The following FREM1 variants were observed in gnomAD, a reference collection of about 807,000 sequenced individuals.
FREM1 encodes FRAS1 related extracellular matrix 1, also known as FRAS1-related extracellular matrix protein 1.
In FREM1, 220 loss-of-function variants were observed where a neutral mutation model predicts 210.1. That is an observed-to-expected ratio of 1.05 (90% CI 0.94 to 1.17). The LOEUF (loss-of-function observed/expected upper bound fraction) is 1.17, where lower values mean the gene tolerates loss of function less well. Ranked by LOEUF, FREM1 falls within the 50% of genes most tolerant of loss-of-function variation. The pLI is 0.00. For synonymous variants in FREM1, 1,189 were observed against 980.2 expected (o/e 1.21, Z -3.98); for missense variants, 3,454 against 2,675.5 (o/e 1.29, Z -6.42).
intron 23 of FREM1, among the ~76,000 whole-genome samples, chr9:14,785,849 A>C (rs1163765139): frequency 6.6e-6 from 1 of 152,190 alleles, no homozygotes; most frequent in Non-Finnish European, 1.5e-5. Context: ...GATGGACAAC[A>C]ACATGAATAT....
intron 1 of FREM1, among the ~76,000 whole-genome samples, chr9:14,904,859 C>A (rs1217437718): frequency 6.6e-6 from 1 of 152,150 alleles, no homozygotes; most frequent in African/African-American, 2.4e-5. Context: ...CATCCTTAAA[C>A]TCACCATATT....
intron 4 of FREM1, 150 bp from the exon 5 acceptor site, chr9:14,857,899 A>C: frequency 1.9e-6 from 1 of 523,428 alleles, no homozygotes; most frequent in East Asian, 3.1e-5. Flanking sequence ...GTGGGTTGTC[A>C]TTATTCTGAA....
At chr9:14,889,656 G>A (rs1396895402) in intron 1 of FREM1, among the ~76,000 whole-genome samples, 2 of 152,196 alleles carry the variant, frequency 1.3e-5, no homozygotes, top group Non-Finnish European at 2.9e-5. Flanking sequence ...TCTTCAGGAA[G>A]CTGCCAGACT....
At chr9:14,753,903 A>G (rs1843810103) in intron 29 of FREM1, among the ~76,000 whole-genome samples, 1 of 152,194 alleles carries the variant, frequency 6.6e-6, no homozygotes, top group Non-Finnish European at 1.5e-5. Context: ...TATTTCTTAA[A>G]TTGTCTAAAT....
intron 2 of FREM1, among the ~76,000 whole-genome samples, chr9:14,868,347 T>A (rs894039967): frequency 1.2e-4 from 18 of 144,484 alleles, no homozygotes; most frequent in Admixed American, 4.2e-4. Context: ...AAGCAGCTGG[T>A]GAGATATACC....
intron 11 of FREM1, 54 bp downstream of exon 11, chr9:14,824,742 C>T: frequency 8.0e-7 from 1 of 1,242,260 alleles, no homozygotes; most frequent in South Asian, 1.3e-5. Context: ...TATATTGACA[C>T]TTTCAACTTT....
intron 27 of FREM1, among the ~76,000 whole-genome samples, chr9:14,766,927 G>A (rs1396593999): frequency 3.3e-5 from 5 of 152,038 alleles, no homozygotes; most frequent in Admixed American, 6.6e-5. Context: ...AAATGTTTCC[G>A]GGATACTTCT....
chr9:14,791,021 T>G (rs1269898103), intron 22 of FREM1: 1 of 152,262 alleles, frequency 6.6e-6, no homozygotes, highest in Non-Finnish European at 1.5e-5. Flanking sequence ...GAATGAATTC[T>G]TGCTGCTTTT....
rs531303784 is a variant in FREM1, at chr9:14,836,464, T to C, written c.1881+4983A>G. On this transcript the variant is annotated intron_variant, in intron 10 of 36. Coordinates refer to ENST00000380880, the MANE Select transcript of FREM1 (RefSeq NM_001379081.2). This position sits in a 1 kb window ranked among gnomAD's most constrained non-coding sequence, Gnocchi z 4.9. ...ACACCTAGTAAAGGAAAGGAAAATC[T>C]ACAGGTACTTAAAAATCAAATCAAA... Among the ~76,000 whole-genome samples the C allele has an allele frequency of 6.6e-6, 1 of 152,326 alleles. No homozygotes were observed. Among genetic ancestry groups the C allele is most frequent in the African/African-American group, 2.4e-5 (1 of 41,584 alleles).
chr9:14,891,691 G>C (rs1836850364), intron 1 of FREM1, among the ~76,000 whole-genome samples: 2 of 152,248 alleles, frequency 1.3e-5, no homozygotes. Context: ...GAAGGGGAAA[G>C]AGTTAAATTT....
At chr9:14,830,237 A>T (rs1048340275) in intron 10 of FREM1, among the ~76,000 whole-genome samples, 1 of 152,204 alleles carries the variant, frequency 6.6e-6, no homozygotes, top group African/African-American at 2.4e-5. Context: ...GTGGAGTATT[A>T]TATTGTGAGC....
chr9:14,830,507 C>G (rs577862232), intron 10 of FREM1, among the ~76,000 whole-genome samples: 3 of 152,250 alleles, frequency 2.0e-5, no homozygotes, highest in Middle Eastern at 3.4e-3. Context: ...TAAAATGGGA[C>G]TTTTCTCACC....
chr9:14,819,675 T>C (rs1310970327), intron 13 of FREM1, among the ~76,000 whole-genome samples: 2 of 152,242 alleles, frequency 1.3e-5, no homozygotes, highest in African/African-American at 4.8e-5. Context: ...ATCTCTAAGA[T>C]TGAAAGTATC....
chr9:14,797,792 G>C, intron 20 of FREM1, 150 bp from the exon 21 acceptor site: 1 of 530,246 alleles, frequency 1.9e-6, no homozygotes, highest in Non-Finnish European at 3.2e-6. Context: ...GTTTTATGAA[G>C]TAAAAGAGTG....
At chr9:14,815,729 C>T (rs1820177593) in intron 15 of FREM1, among the ~76,000 whole-genome samples, 1 of 152,108 alleles carries the variant, frequency 6.6e-6, no homozygotes, top group African/African-American at 2.4e-5. Context: ...CTCACTGCAA[C>T]CTCTGTCTCC....
rs1326857336 is a variant in FREM1 at position 14,868,898 on chromosome 9, C to G, written c.80G>C (p.Ser27Thr). The change falls in exon 2 of 37, where the codon AGC becomes ACC. Residue 27 changes from serine (S) to threonine (T), a missense_variant. Physicochemically the swap from Ser to Thr is moderately conservative, Grantham distance 58. Transcript: ENST00000380880. ...LLAWASPTFI[S>T]INRGVRVMKG... ...CATCACCCTCACCCCGCGGTTGATG[C>G]TGATGAAGGTGGGGCTGGCCCAGGC... 3.5e-5 allele frequency: 57 copies of G among 1,606,310 alleles called. No individual in the cohort carries two copies. Among genetic ancestry groups the G allele is most frequent in the Non-Finnish European group, 4.8e-5 (56 of 1,176,696 alleles).
At position 14,759,754 on chromosome 9, in the gene FREM1, A is replaced by G; in HGVS notation, c.5334+18T>C. ...AACATAAGTTTTAGCTTGATAATTT[A>G]CATTTCAGAGTCATTACCTTTATAC... On this transcript the variant is annotated intron_variant, in intron 28 of 36. Coordinates refer to ENST00000380880, the MANE Select transcript of FREM1 (RefSeq NM_001379081.2). 1 of 1,552,042 alleles carries G rather than the reference A, an allele frequency of 6.4e-7. No homozygotes were observed. The highest frequency in any genetic ancestry group is 8.7e-7 in the Non-Finnish European group (1 of 1,147,460).
chr9:14,883,430 C>T (rs1835179495), intron 1 of FREM1, among the ~76,000 whole-genome samples: 1 of 152,076 alleles, frequency 6.6e-6, no homozygotes, highest in African/African-American at 2.4e-5. Context: ...TTGTATTTTT[C>T]TCTTGGTGTT....
rs750339456 is a variant in FREM1 at position 14,806,799 on chromosome 9, T to TAACA, written c.3132_3135dup (p.Asn1046CysfsTer2). 6.2e-7 allele frequency: 1 copy of TAACA among 1,608,070 alleles called. No individual in the cohort carries two copies. The highest frequency in any genetic ancestry group is 1.3e-5 in the African/African-American group (1 of 74,834). ...TCAGGGTCAGTGGCGGACAAATGGT[T>TAACA]AACAGTAAGGGCTGTTGAGCAGCCC... On this transcript the variant is annotated frameshift_variant, in exon 18 of 37. Coordinates refer to ENST00000380880, the MANE Select transcript of FREM1 (RefSeq NM_001379081.2). LOFTEE classifies it high-confidence loss of function.
Sources: gnomAD v4.1 joint callset for allele counts (sites outside exome capture counted in the v4.1 genomes callset) on GRCh38, gnomAD v4.1.1 for gene constraint, Gnocchi (gnomAD v3.1) non-coding constraint, MANE v1.5 for transcripts, NCBI Gene and HGNC (gene_info 2026-07-23, HGNC 2026-07-21) for gene names.